The following ZP2 variants were observed in gnomAD, a reference collection of about 807,000 sequenced individuals.
ZP2 encodes zona pellucida glycoprotein 2.
In ZP2, 51 loss-of-function variants were observed where a neutral mutation model predicts 84.0. The ratio of observed to expected loss-of-function variants is 0.61; its 90% CI spans 0.49 to 0.77. The LOEUF (loss-of-function observed/expected upper bound fraction) is 0.77, where lower values mean the gene tolerates loss of function less well. ZP2 is among the 30% of genes least tolerant of loss of function. The pLI, the probability that ZP2 is intolerant of heterozygous loss-of-function variation, is 0.00. For synonymous variants in ZP2, 375 were observed against 330.9 expected (o/e 1.13, Z -1.45); for missense variants, 909 against 911.9 (o/e 1.00, Z 0.04).
rs377432051 is a variant in ZP2 at position 21,211,540 on chromosome 16, C to T, written c.8G>A (p.Cys3Tyr). 9 of 1,614,070 alleles carry T rather than the reference C, an allele frequency of 5.6e-6. No individual in the cohort carries two copies. In the African/African-American group the frequency reaches 9.3e-5, roughly 17 times the overall value. ...ACTCCAAGAGCCTCCTCTCTGCCTG[C>T]ACGCCATAGCAGAAGACACTACCAG... MACRQRGGSWSPS... is the reference protein window; with the variant it reads MAYRQRGGSWSPS... The change falls in exon 1 of 19, where the codon TGC (cysteine) becomes TAC (tyrosine). Residue 3 changes from cysteine to tyrosine, a missense_variant. Cys to Tyr is a radical substitution (Grantham distance 194, BLOSUM62 -2). Transcript: ENST00000574091.
chr16:21,210,072 T>TAA, intron 3 of ZP2, 37 bp downstream of exon 3: 1 of 1,582,650 alleles, frequency 6.3e-7, no homozygotes, highest in Non-Finnish European at 8.7e-7. Flanking sequence ...GGCTGTCTGC[T>TAA]AATCAGGACT....
At chr16:21,200,740 T>A (rs931635561) in intron 14 of ZP2, among the ~76,000 whole-genome samples, 2 of 152,208 alleles carry the variant, frequency 1.3e-5, no homozygotes, top group Non-Finnish European at 2.9e-5. Context: ...AGACGAAGAC[T>A]AGTACAACTA....
At chr16:21,204,476 G>T in intron 7 of ZP2, 72 bp from the exon 8 acceptor site, 1 of 1,274,226 alleles carries the variant, frequency 7.8e-7, no homozygotes, top group Non-Finnish European at 1.1e-6. Flanking sequence ...GAATCATCTT[G>T]GCAAGTATAT....
chr16:21,203,178 G>C lies in ZP2; in HGVS notation c.1046C>G (p.Thr349Arg). 1.2e-6 allele frequency: 2 copies of C among 1,613,986 alleles called. No individual in the cohort carries two copies. The highest frequency in any genetic ancestry group is 1.7e-6 in the Non-Finnish European group (2 of 1,179,928). ...CTCAGGATAGATCACCATGGATACTGTCTCTGGCCGAAGGAGAAAGGTCAG... is the reference window on the plus strand; with the variant it reads ...CTCAGGATAGATCACCATGGATACTCTCTCTGGCCGAAGGAGAAAGGTCAG... ...LKLTFLLRPE[T>R]VSMVIYPECL... Residue 349 changes from threonine to arginine, a missense_variant, in exon 10 of 19, where the codon ACA (threonine) becomes AGA (arginine). Thr to Arg is a moderately conservative substitution (Grantham distance 71, BLOSUM62 -1). Transcript: ENST00000574091.
At chr16:21,206,697 A>T (rs1294948168) in intron 5 of ZP2, 141 bp downstream of exon 5, 1 of 1,105,708 alleles carries the variant, frequency 9.0e-7, no homozygotes, top group African/African-American at 1.6e-5. Context: ...CCTCAGGGTA[A>T]AGTTAAACCT....
In ZP2 at chr16:21,211,219, G is replaced by A. The variant is rs939072152; in HGVS notation, c.151+88C>T. The stretch of plus-strand genomic sequence containing the variant: ...AAGGGGGTGAATGGAGGTTGTCTGA[G>A]CCAGGCCTGTGTTTCTTGGCCAGCT... On this transcript the variant is annotated intron_variant, in intron 2 of 18. Coordinates refer to ENST00000574091, the MANE Select transcript of ZP2 (RefSeq NM_001376232.1). 1.0e-5 allele frequency: 12 copies of A among 1,173,680 alleles called. No homozygotes were observed. The African/African-American group carries it at 1.2e-4, about 12-fold the overall frequency. The allele number at this position is 1,173,680 out of a possible 1,614,324, so 72.7% of individuals were successfully genotyped here.
Position 21,207,009 on chromosome 16 carries a change from G to A in ZP2, c.331-19C>T. 6.2e-7 allele frequency: 1 copy of A among 1,613,950 alleles called. No homozygotes were observed. The highest frequency in any genetic ancestry group is 8.5e-7 in the Non-Finnish European group (1 of 1,179,960). ...CACCATGCTGTGTACAGATAGCACA[G>A]TGGGAACAGAGTAAGTACTGTACCC... On this transcript the variant is annotated intron_variant, in intron 4 of 18. Coordinates refer to ENST00000574091, the MANE Select transcript of ZP2 (RefSeq NM_001376232.1).
At position 21,203,187 on chromosome 16, in the gene ZP2, C is replaced by T. The variant is rs202065210; in HGVS notation, c.1037G>A (p.Arg346Gln). Residue 346 changes from arginine (R) to glutamine (Q), a missense_variant, in exon 10 of 19, where the codon CGG becomes CAG. Physicochemically the swap from Arg to Gln is conservative, Grantham distance 43. Coordinates refer to ENST00000574091, the MANE Select transcript of ZP2 (RefSeq NM_001376232.1). The part of the protein sequence containing the change: ...LASLKLTFLL[R>Q]PETVSMVIYP... ...GATCACCATGGATACTGTCTCTGGC[C>T]GAAGGAGAAAGGTCAGCTTGAGTGA... 2.2e-5 allele frequency: 35 copies of T among 1,613,648 alleles called. No individual in the cohort carries two copies. Among genetic ancestry groups the T allele is most frequent in the African/African-American group, 1.5e-4 (11 of 74,830 alleles).
Position 21,204,395 on chromosome 16 carries a change from T to C in ZP2, c.703A>G (p.Ser235Gly), listed in dbSNP as rs1281695338. The part of the protein sequence containing the change: ...TGVTHYVQGN[S>G]HLYMVSLKLT... ...TTCAGAGACACCATGTAGAGATGAC[T>C]GTTACCTTGCTAGGGGGAGAAATAA... The change falls in exon 8 of 19, where the codon AGT (serine) becomes GGT (glycine). Residue 235 changes from serine to glycine, a missense_variant. Ser to Gly is a moderately conservative substitution (Grantham distance 56). Coordinates refer to ENST00000574091, the MANE Select transcript of ZP2 (RefSeq NM_001376232.1). The C allele has an allele frequency of 3.5e-5, 57 of 1,613,380 alleles. No individual in the cohort carries two copies. Among genetic ancestry groups the C allele is most frequent in the Non-Finnish European group, 4.5e-5 (53 of 1,179,590 alleles).
At chr16:21,211,625 A>G, upstream of ZP2, 1 of 1,609,904 alleles carries the variant, frequency 6.2e-7, no homozygotes, top group Non-Finnish European at 8.5e-7. Flanking sequence ...AGCCGCATCC[A>G]CACCCTCTCC....
At chr16:21,208,183 T>C (rs1489250005) in intron 4 of ZP2, among the ~76,000 whole-genome samples, 1 of 152,190 alleles carries the variant, frequency 6.6e-6, no homozygotes, top group Non-Finnish European at 1.5e-5. Context: ...CAGCCACTAC[T>C]TTCCAGCCTG....
Position 21,205,513 on chromosome 16 carries a change from TG to T in ZP2, c.599del (p.Pro200GlnfsTer4). On this transcript the variant is annotated frameshift_variant, in exon 7 of 19. Coordinates refer to ENST00000574091, the MANE Select transcript of ZP2 (RefSeq NM_001376232.1). LOFTEE classifies it high-confidence loss of function. The stretch of plus-strand genomic sequence containing the variant: ...GGCTGAAGCCTTCCTTCATGGCCTC[TG>T]GCAGGGTCAGAGTTTTGGCTCTTGC... ...DGARAKTLTL[P>X]EAMKEGFSLL... is the part of the protein sequence containing the mutation. The T allele has an allele frequency of 6.2e-7, 1 of 1,614,144 alleles. No individual in the cohort carries two copies. The highest frequency in any genetic ancestry group is 8.5e-7 in the Non-Finnish European group (1 of 1,180,016).
At chr16:21,211,787 T>G (rs548957123), upstream of ZP2, 1 of 1,434,972 alleles carries the variant, frequency 7.0e-7, no homozygotes, top group African/African-American at 1.4e-5. Flanking sequence ...TGAAATCAGC[T>G]CCAGGTGAGT....
In ZP2 at chr16:21,199,887, T is replaced by C; in HGVS notation, c.1695-9A>G. ...CCAGGTCATATGCACAGCTAGGAGG[T>C]ATGCACCAGGGAGGGATGTCAGTCA... On this transcript the variant is annotated splice_polypyrimidine_tract_variant and intron_variant, in intron 14 of 18. Transcript: ENST00000574091. 6.2e-7 allele frequency: 1 copy of C among 1,611,888 alleles called. No individual in the cohort carries two copies. The highest frequency in any genetic ancestry group is 8.5e-7 in the Non-Finnish European group (1 of 1,179,846).
At position 21,207,004 on chromosome 16, in the gene ZP2, G is replaced by C. The variant is rs753799547; in HGVS notation, c.331-14C>G. 1 of 1,613,954 alleles carries C rather than the reference G, an allele frequency of 6.2e-7. No individual in the cohort carries two copies. The highest frequency in any genetic ancestry group is 1.1e-5 in the South Asian group (1 of 91,080). The stretch of plus-strand genomic sequence containing the variant: ...GTGTCCACCATGCTGTGTACAGATA[G>C]CACAGTGGGAACAGAGTAAGTACTG... On this transcript the variant is annotated splice_polypyrimidine_tract_variant and intron_variant, in intron 4 of 18. Coordinates refer to ENST00000574091, the MANE Select transcript of ZP2 (RefSeq NM_001376232.1).
chr16:21,199,318 CAAAAAAAAAAAA>C (rs10644558), intron 16 of ZP2, among the ~76,000 whole-genome samples: 4 of 45,728 alleles, frequency 8.7e-5, no homozygotes, highest in Admixed American at 6.3e-4. Context: ...AAAACTGTCT[CAAAAAAAAAAAA>C]AAAAAAAAAA....
chr16:21,210,201 C>T lies in ZP2; in HGVS notation c.152-9G>A, dbSNP rs749882926. 1 of 1,612,928 alleles carries T rather than the reference C, an allele frequency of 6.2e-7. No homozygotes were observed. The highest frequency in any genetic ancestry group is 1.7e-5 in the Admixed American group (1 of 59,948). On this transcript the variant is annotated splice_polypyrimidine_tract_variant and intron_variant, in intron 2 of 18. Transcript: ENST00000574091. ...ATCGCAAGTGACAGTGCCTAAGGAG[C>T]AAAGGAAGCATTTGGGGGCTTTGAG...
rs1195433629 is a variant in ZP2, at chr16:21,203,128, T to C, written c.1096A>G (p.Ile366Val). ...GATTTTAATAAAAGGTCTTTACCTA[T>C]AGAAACGGGTGACTCACAGAGACAC... ...PECLCESPVSIVTGELCTQDG... is the reference protein window; with the variant it reads ...PECLCESPVSVVTGELCTQDG... The change falls in exon 10 of 19, where the codon ATA becomes GTA. Residue 366 changes from isoleucine (I) to valine (V), a missense_variant. Ile to Val is a conservative substitution (Grantham distance 29). Coordinates refer to ENST00000574091, the MANE Select transcript of ZP2 (RefSeq NM_001376232.1). 2 of 1,613,402 alleles carry C rather than the reference T, an allele frequency of 1.2e-6. No individual in the cohort carries two copies. Among genetic ancestry groups the C allele is most frequent in the South Asian group, 1.1e-5 (1 of 90,926 alleles).
intron 8 of ZP2, 22 bp from the exon 9 acceptor site, chr16:21,204,233 T>A: frequency 6.2e-7 from 1 of 1,614,070 alleles, no homozygotes. Flanking sequence ...GACAACAGAA[T>A]GCCCATTACC....
Sources: allele counts gnomAD v4.1 joint callset (sites outside exome capture counted in the v4.1 genomes callset), GRCh38; gene constraint gnomAD v4.1.1; transcripts MANE v1.5; gene names NCBI Gene and HGNC (gene_info 2026-07-23, HGNC 2026-07-21).